The following CMIP variants were observed in gnomAD, a reference collection of about 807,000 sequenced individuals.
The protein encoded by CMIP is c-Maf inducing protein.
A neutral mutation model predicts 97.3 loss-of-function variants in CMIP; 13 were observed. The observed-to-expected ratio is 0.13, with a 90% CI of 0.09 to 0.21. The LOEUF is 0.21. CMIP is among the 10% of genes least tolerant of loss of function. The pLI is 1.00. For missense variants in CMIP, 847 were observed against 1,024.9 expected, an observed-to-expected ratio of 0.83 and a Z score of 2.37; for synonymous variants, 538 against 436.3, an observed-to-expected ratio of 1.23 and a Z score of -2.91.
chr16:81,657,179 C>G (rs191856137), intron 4 of CMIP, among the ~76,000 whole-genome samples: 7 of 152,286 alleles, frequency 4.6e-5, no homozygotes, highest in Non-Finnish European at 1.0e-4. Context: ...CCTAAAATTT[C>G]AGCAAATGTA....
chr16:81,671,902 C>G (rs1221551255), intron 8 of CMIP, 64 bp from the exon 9 acceptor site: 20 of 838,462 alleles, frequency 2.4e-5, no homozygotes, highest in East Asian at 5.3e-5. Flanking sequence ...CCCTTTCCCC[C>G]CTTACCCTGT....
At chr16:81,684,569 G>A (rs545718229) in intron 10 of CMIP, among the ~76,000 whole-genome samples, 5 of 152,194 alleles carry the variant, frequency 3.3e-5, no homozygotes, top group South Asian at 2.1e-4. Context: ...TGGGAGACCC[G>A]GGCTTTGCAC....
At chr16:81,574,656 C>T (rs1486216307) in intron 1 of CMIP, among the ~76,000 whole-genome samples, 1 of 152,232 alleles carries the variant, frequency 6.6e-6, no homozygotes, top group Non-Finnish European at 1.5e-5. Context: ...CTCACCCTTG[C>T]TCAGTTTTTT....
intron 8 of CMIP, 76 bp downstream of exon 8, chr16:81,670,321 CG>C (rs1471910533): frequency 6.9e-7 from 1 of 1,446,712 alleles, no homozygotes; most frequent in Admixed American, 2.0e-5. Flanking sequence ...CAGATATCCA[CG>C]GGGGGCTGTC....
At chr16:81,704,181 GCCTCCTCCCTGCCCCCTCCC>G in intron 18 of CMIP, 96 bp downstream of exon 18, 11 of 868,432 alleles carry the variant, frequency 1.3e-5, no homozygotes, top group South Asian at 1.8e-5. Flanking sequence ...TTTCCCCTCA[GCCTCCTCCCTGCCCCCTCCC>G]CCTCCTTCCT....
intron 3 of CMIP, among the ~76,000 whole-genome samples, chr16:81,629,401 C>G (rs2092122806): frequency 6.6e-6 from 1 of 152,142 alleles, no homozygotes; most frequent in Admixed American, 6.6e-5. Flanking sequence ...GCACCTGACT[C>G]CCTCACTCTA....
intron 13 of CMIP, among the ~76,000 whole-genome samples, chr16:81,693,740 G>C (rs1906381353): frequency 6.6e-6 from 1 of 152,228 alleles, no homozygotes. Context: ...CCGAGGCCTT[G>C]ATTTCGGGCT....
At chr16:81,598,690 G>T (rs977865656) in intron 1 of CMIP, among the ~76,000 whole-genome samples, 2 of 152,182 alleles carry the variant, frequency 1.3e-5, no homozygotes, top group African/African-American at 4.8e-5. Context: ...CGTTCGGCTG[G>T]GCATGGTGGC....
In CMIP at chr16:81,652,798, C is replaced by G. The variant is rs193113617; in HGVS notation, c.639+434C>G. Among the ~76,000 whole-genome samples the G allele has an allele frequency of 9.2e-5, 14 of 152,284 alleles. No homozygotes were observed. The highest frequency in any genetic ancestry group is 3.4e-4 in the African/African-American group (14 of 41,556). On this transcript the variant is annotated intron_variant, in intron 4 of 20. Coordinates refer to ENST00000537098, the MANE Select transcript of CMIP (RefSeq NM_198390.3). This position sits in a 1 kb window ranked among gnomAD's most constrained non-coding sequence, Gnocchi z 5.2. Reference sequence around the variant, plus strand: ...ACAGTACAGTGGGAATTTCCAGGTTCTCTTTAAAAACAATCAGAAAATCCA... The same window carrying G: ...ACAGTACAGTGGGAATTTCCAGGTTGTCTTTAAAAACAATCAGAAAATCCA...
intron 1 of CMIP, chr16:81,518,804 C>G (rs2089965097): frequency 6.6e-6 from 1 of 151,730 alleles, no homozygotes; most frequent in Non-Finnish European, 1.5e-5. Context: ...TCAAGACCAG[C>G]CTGGGGCAAC....
chr16:81,589,586 C>A (rs1274765682), intron 1 of CMIP, among the ~76,000 whole-genome samples: 2 of 152,024 alleles, frequency 1.3e-5, no homozygotes, highest in Non-Finnish European at 2.9e-5. Flanking sequence ...TCTGGTCTCT[C>A]TGTGGGACGA....
At chr16:81,622,574 A>G (rs866719272) in intron 3 of CMIP, among the ~76,000 whole-genome samples, 4 of 152,300 alleles carry the variant, frequency 2.6e-5, no homozygotes, top group South Asian at 4.1e-4. Context: ...AGAAAGTGAC[A>G]GCCTTGCATT....
At chr16:81,692,005 C>A (rs1448168930) in intron 11 of CMIP, among the ~76,000 whole-genome samples, 165 bp downstream of exon 11, 1 of 152,096 alleles carries the variant, frequency 6.6e-6, no homozygotes, top group Non-Finnish European at 1.5e-5. Flanking sequence ...GCTGTGGGAC[C>A]CCTGGGGAGG....
intron 1 of CMIP, among the ~76,000 whole-genome samples, chr16:81,595,551 G>A (rs144414445): frequency 1.3e-5 from 2 of 151,898 alleles, no homozygotes; most frequent in Admixed American, 1.3e-4. Context: ...ACCATGCCTG[G>A]CTTATTTTTG....
At chr16:81,587,376 G>GA (rs1221170631) in intron 1 of CMIP, among the ~76,000 whole-genome samples, 2 of 152,166 alleles carry the variant, frequency 1.3e-5, no homozygotes, top group Non-Finnish European at 2.9e-5. Context: ...GCTGTGGGTG[G>GA]AATCGATGAG....
chr16:81,544,810 GAT>G (rs1159901877), intron 1 of CMIP, among the ~76,000 whole-genome samples: 1 of 152,058 alleles, frequency 6.6e-6, no homozygotes, highest in Non-Finnish European at 1.5e-5. Flanking sequence ...GTATGTGTGA[GAT>G]GTGTGTATGC....
intron 1 of CMIP, among the ~76,000 whole-genome samples, chr16:81,536,567 C>A (rs2090346927): frequency 6.6e-6 from 1 of 152,184 alleles, no homozygotes; most frequent in South Asian, 2.1e-4. Context: ...CAACCCGTCT[C>A]CGGAACCTTC....
intron 1 of CMIP, among the ~76,000 whole-genome samples, chr16:81,513,490 G>C (rs1227132472): frequency 6.6e-6 from 1 of 152,240 alleles, no homozygotes; most frequent in Admixed American, 6.5e-5. Context: ...TTCTCCAGGA[G>C]GCCAGTTTGC....
At chr16:81,648,917 C>T (rs892511993) in intron 3 of CMIP, among the ~76,000 whole-genome samples, 3 of 151,910 alleles carry the variant, frequency 2.0e-5, no homozygotes, top group African/African-American at 7.3e-5. Context: ...CCCCTAGAGC[C>T]CCCAGCAGGA....
Sources: gnomAD v4.1 joint callset for allele counts (sites outside exome capture counted in the v4.1 genomes callset) on GRCh38, gnomAD v4.1.1 for gene constraint, Gnocchi (gnomAD v3.1) non-coding constraint, MANE v1.5 for transcripts, NCBI Gene and HGNC (gene_info 2026-07-23, HGNC 2026-07-21) for gene names.